Variants in NRG1 observed in about 807,000 individuals in gnomAD.
NRG1 encodes pro-neuregulin-1, membrane-bound isoform.
A neutral mutation model predicts 63.8 loss-of-function variants in NRG1; 18 were observed. That is an observed-to-expected ratio of 0.28 (90% CI 0.19 to 0.42). The LOEUF is 0.42. Among genes scored for constraint, NRG1 ranks in the 10% least tolerant of loss-of-function variants. NRG1 has a pLI of 1.00. For synonymous variants in NRG1, 302 were observed against 301.3 expected (o/e 1.00, Z -0.02); for missense variants, 762 against 814.7 (o/e 0.94, Z 0.79).
intron 1 of NRG1, chr8:32,287,247 TG>T (rs1420637631): frequency 6.6e-6 from 1 of 152,148 alleles, no homozygotes; most frequent in Non-Finnish European, 1.5e-5. Context: ...TGAGACACAA[TG>T]ACACTTATGC....
chr8:31,787,387 A>C (rs190689716), intron 1 of NRG1, among the ~76,000 whole-genome samples: 1 of 152,262 alleles, frequency 6.6e-6, no homozygotes, highest in East Asian at 1.9e-4. Flanking sequence ...CTTCTCTTTG[A>C]CCTGGTGAAT....
At chr8:32,746,296 G>C (rs534619381) in intron 7 of NRG1, among the ~76,000 whole-genome samples, 1 of 152,270 alleles carries the variant, frequency 6.6e-6, no homozygotes, top group East Asian at 1.9e-4. Context: ...AATTGGTCCT[G>C]TTTAGAATTG....
intron 1 of NRG1, among the ~76,000 whole-genome samples, chr8:32,406,515 C>T (rs1370258915): frequency 6.6e-6 from 1 of 151,942 alleles, no homozygotes; most frequent in Non-Finnish European, 1.5e-5. Context: ...GATATACTTT[C>T]TCATCTATAA....
At chr8:32,711,693 T>C (rs1413971620) in intron 5 of NRG1, among the ~76,000 whole-genome samples, 2 of 152,126 alleles carry the variant, frequency 1.3e-5, no homozygotes, top group Non-Finnish European at 1.5e-5. Flanking sequence ...ATGTCTTCTT[T>C]CTTTGCTTCT....
chr8:31,675,290 G>A (rs2131022884), intron 1 of NRG1, among the ~76,000 whole-genome samples: 1 of 152,314 alleles, frequency 6.6e-6, no homozygotes, highest in South Asian at 2.1e-4. Context: ...GCAGTGAGCT[G>A]AGATTGTGCC....
At chr8:32,360,602 A>G (rs1807079257) in intron 1 of NRG1, among the ~76,000 whole-genome samples, 3 of 152,208 alleles carry the variant, frequency 2.0e-5, no homozygotes, top group Admixed American at 1.3e-4. Context: ...TTTTACAGAA[A>G]TATTCAGTTT....
intron 1 of NRG1, among the ~76,000 whole-genome samples, chr8:32,209,496 GT>G (rs1844436109): frequency 2.0e-5 from 3 of 151,956 alleles, no homozygotes; most frequent in Non-Finnish European, 1.5e-5. Flanking sequence ...TTTCAGTGTT[GT>G]TTGAATTTTC....
intron 1 of NRG1, among the ~76,000 whole-genome samples, chr8:31,921,926 A>T (rs1481626): frequency 0.66 from 99,610 of 151,676 alleles, 33,134 homozygotes; most frequent in East Asian, 0.92. Context: ...AATTTAAAAA[A>T]TTTTTTTAAT....
At chr8:32,466,371 C>CAAA (rs35722571) in intron 1 of NRG1, among the ~76,000 whole-genome samples, 2,662 of 125,080 alleles carry the variant, frequency 0.021, 74 homozygotes, top group Admixed American at 0.053. Context: ...ACCTTGACAT[C>CAAA]AAAAAAAAAA....
chr8:32,749,198 G>A (rs926544153), intron 7 of NRG1: 4 of 193,680 alleles, frequency 2.1e-5, no homozygotes, highest in African/African-American at 7.0e-5. Flanking sequence ...TTTAAAAAAA[G>A]GAATGAAATA....
intron 1 of NRG1, among the ~76,000 whole-genome samples, chr8:31,870,654 G>A (rs2129611503): frequency 6.6e-6 from 1 of 152,204 alleles, no homozygotes; most frequent in African/African-American, 2.4e-5. Context: ...CCAAATTGTT[G>A]CTTTTCTTTT....
At chr8:32,589,256 C>T (rs560833111) in intron 1 of NRG1, among the ~76,000 whole-genome samples, 17 of 152,270 alleles carry the variant, frequency 1.1e-4, no homozygotes, top group African/African-American at 3.4e-4. Context: ...TAATCAACTT[C>T]GTGAGATAGT....
chr8:32,588,032 G>A (rs1302528513), intron 1 of NRG1, among the ~76,000 whole-genome samples: 2 of 151,944 alleles, frequency 1.3e-5, no homozygotes, highest in East Asian at 1.9e-4. Flanking sequence ...AATGATTCTC[G>A]TGCCTCGGCC....
chr8:32,393,589 G>A (rs1161427836), intron 1 of NRG1, among the ~76,000 whole-genome samples: 1 of 152,172 alleles, frequency 6.6e-6, no homozygotes, highest in African/African-American at 2.4e-5. Context: ...ACAGGAACAT[G>A]GATGGAGCTG....
At chr8:32,555,707 G>A (rs1402997684) in intron 1 of NRG1, among the ~76,000 whole-genome samples, 1 of 152,152 alleles carries the variant, frequency 6.6e-6, no homozygotes, top group Non-Finnish European at 1.5e-5. Flanking sequence ...TCCTGACCTC[G>A]TGATCCGCCC....
chr8:32,442,461 A>G (rs1819675937), intron 1 of NRG1: 1 of 152,140 alleles, frequency 6.6e-6, no homozygotes, highest in Non-Finnish European at 1.5e-5. Flanking sequence ...GCTTATTTCC[A>G]CTACAGGGAA....
At chr8:32,089,609 A>G (rs1237804987) in intron 1 of NRG1, among the ~76,000 whole-genome samples, 1 of 152,202 alleles carries the variant, frequency 6.6e-6, no homozygotes, top group Non-Finnish European at 1.5e-5. Context: ...AAAGATAGAA[A>G]AATCCTCCTT....
intron 1 of NRG1, among the ~76,000 whole-genome samples, chr8:32,503,708 T>C (rs1448810424): frequency 6.6e-6 from 1 of 152,190 alleles, no homozygotes; most frequent in Non-Finnish European, 1.5e-5. Flanking sequence ...CATACGGGTA[T>C]GCAGCATCCT....
intron 5 of NRG1, among the ~76,000 whole-genome samples, chr8:32,701,763 T>C (rs1589288005): frequency 6.6e-6 from 1 of 152,334 alleles, no homozygotes; most frequent in Middle Eastern, 3.4e-3. Context: ...CCTGATTTAT[T>C]CCATGAACAA....
Sources: gnomAD v4.1 joint callset for allele counts (sites outside exome capture counted in the v4.1 genomes callset) on GRCh38, gnomAD v4.1.1 for gene constraint, MANE v1.5 for transcripts, NCBI Gene and HGNC (gene_info 2026-07-23, HGNC 2026-07-21) for gene names.